PCDHGA10: variants seen among roughly 807,000 people sequenced by gnomAD.
The protein encoded by PCDHGA10 is protocadherin gamma-A10.
A neutral mutation model predicts 59.5 loss-of-function variants in PCDHGA10; 42 were observed. The ratio of observed to expected loss-of-function variants is 0.71; its 90% confidence interval spans 0.55 to 0.91. PCDHGA10 has a LOEUF of 0.91. PCDHGA10 is among the 40% of genes least tolerant of loss of function. The pLI is 0.00. For missense variants in PCDHGA10, 1,111 were observed against 1,198.2 expected, an observed-to-expected ratio of 0.93 and a Z score of 1.07; for synonymous variants, 511 against 517.2, an observed-to-expected ratio of 0.99 and a Z score of 0.16.
In PCDHGA10 at chr5:141,491,149, G is replaced by T; in HGVS notation, c.2437-3658G>T. 6.8e-6 allele frequency: 11 copies of T among 1,614,152 alleles called. No homozygotes were observed. The highest frequency in any genetic ancestry group is 9.3e-6 in the Non-Finnish European group (11 of 1,180,010). On this transcript the variant is annotated intron_variant, in intron 1 of 3. Transcript: ENST00000398610. This position sits in a 1 kb window ranked among gnomAD's most constrained non-coding sequence, Gnocchi z 6.9. ...GCGCACAGCCCGGGCCTTACTGGAGGATGACTCTGACACCCAGCAGGTGGT... is the reference window on the plus strand; with the variant it reads ...GCGCACAGCCCGGGCCTTACTGGAGTATGACTCTGACACCCAGCAGGTGGT...
Position 141,487,246 on chromosome 5 carries a change from C to T in PCDHGA10, c.2437-7561C>T. 1 of 1,614,166 alleles carries T rather than the reference C, an allele frequency of 6.2e-7. No individual in the cohort carries two copies. The highest frequency in any genetic ancestry group is 8.5e-7 in the Non-Finnish European group (1 of 1,180,014). ...GGGAAGGAGAATCTCGTCTAACCCTCTACTTGGCTGTGTCCCTAGTGGCAA... is the reference window on the plus strand; with the variant it reads ...GGGAAGGAGAATCTCGTCTAACCCTTTACTTGGCTGTGTCCCTAGTGGCAA... On this transcript the variant is annotated intron_variant, in intron 1 of 3. Coordinates refer to ENST00000398610, the MANE Select transcript of PCDHGA10 (RefSeq NM_018913.3). This position sits in a 1 kb window ranked among gnomAD's most constrained non-coding sequence, Gnocchi z 5.0.
chr5:141,428,145 A>G (rs748256830), intron 1 of PCDHGA10: 10 of 1,592,574 alleles, frequency 6.3e-6, no homozygotes, highest in African/African-American at 1.3e-5. Context: ...GGGGCTGCAC[A>G]CGGGAACCTG....
At chr5:141,418,308 T>G in intron 1 of PCDHGA10, 6 of 1,613,946 alleles carry the variant, frequency 3.7e-6, no homozygotes, top group Non-Finnish European at 5.1e-6. Flanking sequence ...AGCCTGGGGA[T>G]GGGAACAATT....
intron 1 of PCDHGA10, among the ~76,000 whole-genome samples, chr5:141,483,648 T>TTGTGTGTG (rs111458813): frequency 0.019 from 2,886 of 149,692 alleles, 51 homozygotes; most frequent in African/African-American, 0.054. Flanking sequence ...GGGTGTGTGT[T>TTGTGTGTG]TGTGTGTGTG....
chr5:141,493,440 G>A lies in PCDHGA10; in HGVS notation c.2437-1367G>A, dbSNP rs2099748297. The stretch of plus-strand genomic sequence containing the variant: ...TTTTGCTTCTGCTGGGATGGGGCAA[G>A]GGTGGGGTTCCTTCCCTTTTAGGAC... On this transcript the variant is annotated intron_variant, in intron 1 of 3. Coordinates refer to ENST00000398610, the MANE Select transcript of PCDHGA10 (RefSeq NM_018913.3). The surrounding 1 kb of genome is among the most constrained non-coding windows in gnomAD (Gnocchi z 4.3). Among the ~76,000 whole-genome samples, 1 of 152,208 alleles carries A rather than the reference G, an allele frequency of 6.6e-6. No homozygotes were observed. Among genetic ancestry groups the A allele is most frequent in the African/African-American group, 2.4e-5 (1 of 41,450 alleles).
chr5:141,505,118 C>T (rs544825360), intron 2 of PCDHGA10, among the ~76,000 whole-genome samples: 32 of 152,222 alleles, frequency 2.1e-4, no homozygotes, highest in African/African-American at 7.5e-4. Flanking sequence ...GCCAAGATCG[C>T]GCCACTGCAC....
Position 141,487,830 on chromosome 5 carries a change from T to C in PCDHGA10, c.2437-6977T>C, listed in dbSNP as rs1410090651. On this transcript the variant is annotated intron_variant, in intron 1 of 3. Transcript: ENST00000398610. This position sits in a 1 kb window ranked among gnomAD's most constrained non-coding sequence, Gnocchi z 5.0. ...TTTAGCATTGGGGGCGGGTCATGCC[T>C]ATATCTGAGTAAGAAATGAAAGTAA... The C allele has an allele frequency of 3.5e-6, 4 of 1,139,942 alleles. No homozygotes were observed. The highest frequency in any genetic ancestry group is 1.6e-5 in the African/African-American group (1 of 63,734). The allele number at this position is 1,139,942 out of a possible 1,614,324, so 70.6% of individuals were successfully genotyped here.
chr5:141,483,730 T>G (rs999201456), intron 1 of PCDHGA10, among the ~76,000 whole-genome samples: 1 of 152,014 alleles, frequency 6.6e-6, no homozygotes, highest in Non-Finnish European at 1.5e-5. Flanking sequence ...CCCACCATAG[T>G]CAAAAGGATA....
intron 1 of PCDHGA10, chr5:141,478,873 T>C: frequency 7.8e-7 from 1 of 1,274,424 alleles, no homozygotes; most frequent in African/African-American, 1.5e-5. Context: ...GATCAGAGTT[T>C]AGCTTGGTAT....
chr5:141,430,613 A>T, intron 1 of PCDHGA10: 1 of 679,628 alleles, frequency 1.5e-6, no homozygotes, highest in Admixed American at 3.0e-5. Context: ...CACAAAGCAG[A>T]TAGCTAGGAA....
In PCDHGA10 at chr5:141,432,627, C is replaced by G. The variant is rs886117102; in HGVS notation, c.2436+17016C>G. On this transcript the variant is annotated intron_variant, in intron 1 of 3. Transcript: ENST00000398610. This position sits in a 1 kb window ranked among gnomAD's most constrained non-coding sequence, Gnocchi z 6.0. The stretch of plus-strand genomic sequence containing the variant: ...GGACTCTTCTCGGTGGGTCTGCACA[C>G]GGGCGAGGTGCGCACGGCGCGAGCC... The G allele has an allele frequency of 1.2e-6, 2 of 1,613,652 alleles. No individual in the cohort carries two copies. The highest frequency in any genetic ancestry group is 2.7e-5 in the African/African-American group (2 of 74,886).
rs1387036035 is a variant in PCDHGA10, at chr5:141,432,158, A to G, written c.2436+16547A>G. ...CGCTTATATCCCAGAGAACAATCCC[A>G]GAGGAGTTTCCCTCGTCTCTGTGAC... is the stretch of plus-strand genomic sequence containing the variant. On this transcript the variant is annotated intron_variant, in intron 1 of 3. Coordinates refer to ENST00000398610, the MANE Select transcript of PCDHGA10 (RefSeq NM_018913.3). The surrounding 1 kb of genome is among the most constrained non-coding windows in gnomAD (Gnocchi z 6.0). The G allele has an allele frequency of 6.2e-7, 1 of 1,613,932 alleles. No individual in the cohort carries two copies. Among genetic ancestry groups the G allele is most frequent in the Non-Finnish European group, 8.5e-7 (1 of 1,180,002 alleles).
chr5:141,431,670 T>C lies in PCDHGA10; in HGVS notation c.2436+16059T>C, dbSNP rs767342240. 1 of 1,614,070 alleles carries C rather than the reference T, an allele frequency of 6.2e-7. No homozygotes were observed. The highest frequency in any genetic ancestry group is 8.5e-7 in the Non-Finnish European group (1 of 1,180,026). On this transcript the variant is annotated intron_variant, in intron 1 of 3. Coordinates refer to ENST00000398610, the MANE Select transcript of PCDHGA10 (RefSeq NM_018913.3). This position sits in a 1 kb window ranked among gnomAD's most constrained non-coding sequence, Gnocchi z 4.8. ...TGTAATTCAGGGACAATATCAACAATAGGGGAGTTGGACCACGAGGAGTCA... is the reference window on the plus strand; with the variant it reads ...TGTAATTCAGGGACAATATCAACAACAGGGGAGTTGGACCACGAGGAGTCA...
At chr5:141,427,056 T>C (rs1472513807) in intron 1 of PCDHGA10, 1 of 457,676 alleles carries the variant, frequency 2.2e-6, no homozygotes, top group Non-Finnish European at 4.4e-6. Flanking sequence ...CCCAGGCACC[T>C]CTGTACTAAA....
At chr5:141,509,650 T>C (rs1484029268) in intron 3 of PCDHGA10, among the ~76,000 whole-genome samples, 1 of 152,188 alleles carries the variant, frequency 6.6e-6, no homozygotes, top group African/African-American at 2.4e-5. Context: ...GGCCAGAGTG[T>C]GGACTTCTCT....
rs150714552 is a variant in PCDHGA10, at chr5:141,473,285, G to A, written c.2437-21522G>A. On this transcript the variant is annotated intron_variant, in intron 1 of 3. Transcript: ENST00000398610. ...GTGTATGCTATGATTATTTTACTATGTCAGTAGCATAAAGATTGCTATATT... is the reference window on the plus strand; with the variant it reads ...GTGTATGCTATGATTATTTTACTATATCAGTAGCATAAAGATTGCTATATT... 3.9e-3 allele frequency among the ~76,000 whole-genome samples: 590 copies of A among 152,296 alleles called. 6 individuals are homozygous for A. Among genetic ancestry groups the A allele is most frequent in the Admixed American group, 0.011 (170 of 15,296 alleles).
chr5:141,463,615 A>G (rs1336539466), intron 1 of PCDHGA10, among the ~76,000 whole-genome samples: 1 of 151,408 alleles, frequency 6.6e-6, no homozygotes, highest in Admixed American at 6.6e-5. Context: ...TGCCCGGCTA[A>G]TTTTTTGTAT....
chr5:141,497,497 C>T (rs1318882060), intron 2 of PCDHGA10, among the ~76,000 whole-genome samples: 1 of 151,714 alleles, frequency 6.6e-6, no homozygotes, highest in Non-Finnish European at 1.5e-5. Context: ...TCTCTCTCTC[C>T]TCTCTCTGCT....
At chr5:141,427,870 C>T (rs773176633) in intron 1 of PCDHGA10, 86 of 1,558,630 alleles carry the variant, frequency 5.5e-5, no homozygotes, top group Non-Finnish European at 4.8e-5. Context: ...TTCGAGCTCA[C>T]GATGCAGGCC....
Sources: allele counts gnomAD v4.1 joint callset (sites outside exome capture counted in the v4.1 genomes callset), GRCh38; gene constraint gnomAD v4.1.1; non-coding constraint Gnocchi (gnomAD v3.1); transcripts MANE v1.5; gene names NCBI Gene and HGNC (gene_info 2026-07-23, HGNC 2026-07-21).